The following YTHDF3 variants were observed in gnomAD, a reference collection of about 807,000 sequenced individuals.
YTHDF3 encodes the protein YTH domain-containing family protein 3.
A neutral mutation model predicts 52.5 loss-of-function variants in YTHDF3; 9 were observed. That is an observed-to-expected ratio of 0.17 (90% confidence interval 0.10 to 0.30). The LOEUF (loss-of-function observed/expected upper bound fraction) is 0.30. Ranked by LOEUF, YTHDF3 falls within the 10% of genes least tolerant of loss-of-function variation. The pLI is 1.00. For synonymous variants in YTHDF3, 274 were observed against 243.3 expected, an observed-to-expected ratio of 1.13 and a Z score of -1.18; for missense variants, 534 against 715.0, an observed-to-expected ratio of 0.75 and a Z score of 2.89.
chr8:63,207,374 C>T (rs1442899536), intron 4 of YTHDF3, among the ~76,000 whole-genome samples: 2 of 152,074 alleles, frequency 1.3e-5, no homozygotes, highest in African/African-American at 2.4e-5. Context: ...TTGCCGGTAT[C>T]TGGTGGTTTC....
At chr8:63,196,799 G>T (rs1157730013) in intron 4 of YTHDF3, among the ~76,000 whole-genome samples, 1 of 152,070 alleles carries the variant, frequency 6.6e-6, no homozygotes, top group East Asian at 1.9e-4. Context: ...TGGAGGGTCG[G>T]GGGAGTAAAA....
At chr8:63,179,728 G>A (rs190861475) in intron 3 of YTHDF3, among the ~76,000 whole-genome samples, 1 of 152,034 alleles carries the variant, frequency 6.6e-6, no homozygotes, top group East Asian at 1.9e-4. Flanking sequence ...TCAATGAGCC[G>A]CTGGGTACAC....
At chr8:63,201,739 T>C (rs1809656163) in intron 4 of YTHDF3, among the ~76,000 whole-genome samples, 1 of 152,212 alleles carries the variant, frequency 6.6e-6, no homozygotes, top group Non-Finnish European at 1.5e-5. Context: ...AAAAGCATAG[T>C]GAAAATCTAC....
At chr8:63,173,688 CA>C (rs1807497025) in intron 2 of YTHDF3, 5 of 985,086 alleles carry the variant, frequency 5.1e-6, no homozygotes, top group Non-Finnish European at 6.0e-6. Context: ...ACAGGTATGT[CA>C]GAATCTCTTG....
rs1810415882 is a variant in YTHDF3 at position 63,212,448 on chromosome 8, A to G, written c.*2742A>G. On this transcript the variant is annotated 3_prime_UTR_variant, in exon 5 of 5. Transcript: ENST00000539294. Reference sequence around the variant, plus strand: ...AAACAGTTTGCAATAAAAAAAAATGAATCAGCTTAAGTCATTTAATCATTT... The same window carrying G: ...AAACAGTTTGCAATAAAAAAAAATGGATCAGCTTAAGTCATTTAATCATTT... 6.6e-6 allele frequency: 1 copy of G among 152,630 alleles called. No homozygotes were observed. Among genetic ancestry groups the G allele is most frequent in the Non-Finnish European group, 1.5e-5 (1 of 68,028 alleles). The allele number at this position is 152,630 out of a possible 1,614,324, so 9.5% of individuals were successfully genotyped here. A position where few individuals can be genotyped will look rare whatever the true frequency, so the allele number is the denominator to read the frequency against.
chr8:63,192,649 T>C (rs1808983500), intron 4 of YTHDF3, among the ~76,000 whole-genome samples: 1 of 152,194 alleles, frequency 6.6e-6, no homozygotes, highest in African/African-American at 2.4e-5. Flanking sequence ...ATTTTCTCTT[T>C]GATATGCTTG....
chr8:63,209,170 A>C (rs572038865), intron 4 of YTHDF3, among the ~76,000 whole-genome samples: 3 of 152,162 alleles, frequency 2.0e-5, no homozygotes, highest in Non-Finnish European at 4.4e-5. Flanking sequence ...GCCCGGCCTC[A>C]TGTTACTTTT....
intron 4 of YTHDF3, among the ~76,000 whole-genome samples, chr8:63,188,506 T>G (rs1808678153): frequency 6.7e-6 from 1 of 149,192 alleles, no homozygotes; most frequent in African/African-American, 2.5e-5. Flanking sequence ...TTTGTATTTA[T>G]TGTAGATAGA....
At position 63,212,406 on chromosome 8, in the gene YTHDF3, G is replaced by T. The variant is rs1810413335; in HGVS notation, c.*2700G>T. ...TGTTCTTTTTGAATACCGTGCATGG[G>T]GGTTAAGCTGATGTTAAAACAGTTT... On this transcript the variant is annotated 3_prime_UTR_variant, in exon 5 of 5. Transcript: ENST00000539294. The T allele has an allele frequency of 6.6e-6, 1 of 151,612 alleles. No individual in the cohort carries two copies. The highest frequency in any genetic ancestry group is 1.5e-5 in the Non-Finnish European group (1 of 67,944). 9.4% of individuals were successfully genotyped at this position (151,612 alleles called of 1,614,324 possible). A position where few individuals can be genotyped will look rare whatever the true frequency, so the allele number is the denominator to read the frequency against.
rs1441279220 is a variant in YTHDF3, at chr8:63,211,503, C to T, written c.*1797C>T. 6.6e-6 allele frequency: 1 copy of T among 152,424 alleles called. No individual in the cohort carries two copies. The highest frequency in any genetic ancestry group is 2.4e-5 in the African/African-American group (1 of 41,370). 9.4% of individuals were successfully genotyped at this position (152,424 alleles called of 1,614,324 possible). ...CATCCCTAAGATTATCTAGGTAGGA[C>T]ATGTCAAAGATGACTGTTGTCATTC... is the stretch of plus-strand genomic sequence containing the variant. On this transcript the variant is annotated 3_prime_UTR_variant, in exon 5 of 5. Coordinates refer to ENST00000539294, the MANE Select transcript of YTHDF3 (RefSeq NM_152758.6).
chr8:63,204,080 G>A (rs1354046628), intron 4 of YTHDF3, among the ~76,000 whole-genome samples: 2 of 152,120 alleles, frequency 1.3e-5, no homozygotes, highest in African/African-American at 4.8e-5. Context: ...ACCGCAAAGA[G>A]GAATATCAAA....
At chr8:63,197,164 G>GA (rs1408795030) in intron 4 of YTHDF3, among the ~76,000 whole-genome samples, 1 of 152,196 alleles carries the variant, frequency 6.6e-6, no homozygotes, top group Non-Finnish European at 1.5e-5. Context: ...GATAACCGCT[G>GA]AAAGAGCAGG....
intron 4 of YTHDF3, among the ~76,000 whole-genome samples, chr8:63,193,061 A>G (rs2150382669): frequency 6.6e-6 from 1 of 152,232 alleles, no homozygotes; most frequent in South Asian, 2.1e-4. Flanking sequence ...CTGTCCATCA[A>G]AAGATGCTTT....
chr8:63,205,448 T>A (rs1809964577), intron 4 of YTHDF3, among the ~76,000 whole-genome samples: 2 of 151,762 alleles, frequency 1.3e-5, no homozygotes, highest in African/African-American at 2.4e-5. Context: ...TTTTTTTTTT[T>A]TTTGAGATGG....
chr8:63,187,499 G>A lies in YTHDF3; in HGVS notation c.1488G>A (p.Lys496=). 2 of 1,613,962 alleles carry A rather than the reference G, an allele frequency of 1.2e-6. No individual in the cohort carries two copies. Among genetic ancestry groups the A allele is most frequent in the South Asian group, 1.1e-5 (1 of 91,088 alleles). The change falls in exon 4 of 5, where the codon AAG becomes AAA. Residue 496 remains lysine, a synonymous_variant. Transcript: ENST00000539294. ...ATGCTGGTGTCTGGTCTCAGGATAAGTGGAAGGGCAAATTTGAAGTTAAAT... is the reference window on the plus strand; with the variant it reads ...ATGCTGGTGTCTGGTCTCAGGATAAATGGAAGGGCAAATTTGAAGTTAAAT... ...NAYAGVWSQD[K]WKGKFEVKWI...
In YTHDF3 at chr8:63,187,151, A is replaced by C. The variant is rs1238358238; in HGVS notation, c.1140A>C (p.Val380=). ...GTGAAAACTTTGGTTTAGGTGTTGTACCTGTCAGTGCTTCACCTTCTAGTG... is the reference window on the plus strand; with the variant it reads ...GTGAAAACTTTGGTTTAGGTGTTGTCCCTGTCAGTGCTTCACCTTCTAGTG... ...AGSENFGLGV[V]PVSASPSSVE... The change falls in exon 4 of 5, where the codon GTA becomes GTC. Residue 380 remains valine (V), a synonymous_variant. Coordinates refer to ENST00000539294, the MANE Select transcript of YTHDF3 (RefSeq NM_152758.6). The C allele has an allele frequency of 2.5e-6, 4 of 1,613,860 alleles. No individual in the cohort carries two copies. The highest frequency in any genetic ancestry group is 3.4e-6 in the Non-Finnish European group (4 of 1,179,878).
chr8:63,192,937 A>G (rs1252550203), intron 4 of YTHDF3, among the ~76,000 whole-genome samples: 10 of 151,844 alleles, frequency 6.6e-5, no homozygotes, highest in Admixed American at 2.6e-4. Context: ...TGGATGTACT[A>G]TATCCCCAAG....
At position 63,209,964 on chromosome 8, in the gene YTHDF3, G is replaced by GT; in HGVS notation, c.*259dup. On this transcript the variant is annotated 3_prime_UTR_variant, in exon 5 of 5. Coordinates refer to ENST00000539294, the MANE Select transcript of YTHDF3 (RefSeq NM_152758.6). Reference sequence around the variant, plus strand: ...CTTTTACCAGTATCTGCTGTCTTTTGTAATTATGCATCCTAGCTAAGGCAC... The same window carrying GT: ...CTTTTACCAGTATCTGCTGTCTTTTGTTAATTATGCATCCTAGCTAAGGCAC... The GT allele has an allele frequency of 2.6e-6, 1 of 388,114 alleles. No homozygotes were observed. Among genetic ancestry groups the GT allele is most frequent in the Non-Finnish European group, 4.6e-6 (1 of 217,046 alleles). The allele number at this position is 388,114 out of a possible 1,614,324, so 24.0% of individuals were successfully genotyped here. A position where few individuals can be genotyped will look rare whatever the true frequency, so the allele number is the denominator to read the frequency against.
At chr8:63,172,740 C>T in intron 2 of YTHDF3, 3 of 1,230,566 alleles carry the variant, frequency 2.4e-6, no homozygotes, top group Non-Finnish European at 3.0e-6. Flanking sequence ...TCCTAAGGCC[C>T]ATGTTCTATC....
Sources: allele counts gnomAD v4.1 joint callset (sites outside exome capture counted in the v4.1 genomes callset), GRCh38; gene constraint gnomAD v4.1.1; transcripts MANE v1.5; gene names NCBI Gene and HGNC (gene_info 2026-07-23, HGNC 2026-07-21).